The following ZC3HAV1L variants were observed in gnomAD, a reference collection of about 807,000 sequenced individuals.
ZC3HAV1L encodes the protein ZC3HAV1 like.
In ZC3HAV1L, 23 loss-of-function variants were observed where a neutral mutation model predicts 28.2. The ratio of observed to expected loss-of-function variants is 0.82; its 90% CI spans 0.59 to 1.16. The LOEUF (loss-of-function observed/expected upper bound fraction) is 1.16. ZC3HAV1L is among the 50% of genes most tolerant of loss of function. The probability of loss-of-function intolerance (pLI) is 0.00; values close to 1 mark genes in which losing one functional copy is unlikely to be tolerated. For missense variants in ZC3HAV1L, 376 were observed against 387.7 expected, an observed-to-expected ratio of 0.97 and a Z score of 0.25; for synonymous variants, 180 against 163.4, an observed-to-expected ratio of 1.10 and a Z score of -0.78.
downstream of ZC3HAV1L, chr7:139,022,265 T>C (rs1815260235): frequency 5.4e-6 from 1 of 186,118 alleles, no homozygotes; most frequent in Non-Finnish European, 1.2e-5. Flanking sequence ...AAAATATGGT[T>C]AGGCATAGTG....
rs368290294 is a variant in ZC3HAV1L at position 139,026,851 on chromosome 7, A to G, written c.761-18T>C. ...TGAATTATCTACAAAGAGGAAAGGGATAAGTTTTCCTACGATACCCCAAGT... is the reference window on the plus strand; with the variant it reads ...TGAATTATCTACAAAGAGGAAAGGGGTAAGTTTTCCTACGATACCCCAAGT... On this transcript the variant is annotated intron_variant, in intron 3 of 4. Transcript: ENST00000275766. 108 of 1,598,402 alleles carry G rather than the reference A, an allele frequency of 6.8e-5. No homozygotes were observed. Among genetic ancestry groups the G allele is most frequent in the South Asian group, 2.5e-4 (22 of 89,030 alleles).
chr7:139,035,348 C>G (rs777885457), intron 1 of ZC3HAV1L: 2 of 985,460 alleles, frequency 2.0e-6, no homozygotes, highest in South Asian at 4.7e-5. Context: ...TAAGTGAGCT[C>G]CGAAGTCCCA....
chr7:139,030,758 G>A (rs1318087059), intron 2 of ZC3HAV1L, among the ~76,000 whole-genome samples: 3 of 151,888 alleles, frequency 2.0e-5, no homozygotes, highest in African/African-American at 4.8e-5. Flanking sequence ...GGCAGAGGTT[G>A]CAGTGAGCCG....
chr7:139,023,425 C>T (rs1024809417), downstream of ZC3HAV1L, among the ~76,000 whole-genome samples: 3 of 152,154 alleles, frequency 2.0e-5, no homozygotes, highest in Admixed American at 6.5e-5. Context: ...AAGAGGCAGG[C>T]GTCCCTTTTA....
In ZC3HAV1L at chr7:139,035,802, C is replaced by T; in HGVS notation, c.216G>A (p.Val72=). The T allele has an allele frequency of 6.7e-7, 1 of 1,487,868 alleles. No homozygotes were observed. The highest frequency in any genetic ancestry group is 8.9e-7 in the Non-Finnish European group (1 of 1,127,814). 92.2% of individuals were successfully genotyped at this position (1,487,868 alleles called of 1,614,324 possible). A position where few individuals can be genotyped will look rare whatever the true frequency, so the allele number is the denominator to read the frequency against. ...TCCAGGCGGAGGTGCCGCCACCGCC[C>T]ACCGCGCCGGCCGCCGCCTCGGCCT... is the stretch of plus-strand genomic sequence containing the variant. ...DAEAEAAAGA[V]GGGGTSAWRV... Residue 72 remains valine, a synonymous_variant, in exon 1 of 5, where the codon GTG becomes GTA. Transcript: ENST00000275766.
In ZC3HAV1L at chr7:139,028,894, T is replaced by C; in HGVS notation, c.568A>G (p.Lys190Glu). Residue 190 changes from lysine (K) to glutamate (E), a missense_variant, in exon 3 of 5, where the codon AAG (lysine) becomes GAG (glutamate). Physicochemically the swap from Lys to Glu is moderately conservative, Grantham distance 56 (BLOSUM62 1). Coordinates refer to ENST00000275766, the MANE Select transcript of ZC3HAV1L (RefSeq NM_080660.4). ...GYCNLKDKCN[K>E]FHVCKSFVKG... ...ACAAAGGATTTGCACACATGAAACT[T>C]GTTGCATTTATCCTTGAGGTTGCAG... The C allele has an allele frequency of 2.5e-6, 4 of 1,614,218 alleles. No individual in the cohort carries two copies. The highest frequency in any genetic ancestry group is 3.4e-6 in the Non-Finnish European group (4 of 1,180,036).
At chr7:139,035,571 C>T in intron 1 of ZC3HAV1L, 82 bp downstream of exon 1, 3 of 1,341,522 alleles carry the variant, frequency 2.2e-6, no homozygotes, top group East Asian at 3.1e-5. Flanking sequence ...ACGAAGCCCC[C>T]CTTCCCGTCG....
Position 139,035,671 on chromosome 7 carries a change from C to T in ZC3HAV1L, c.347G>A (p.Cys116Tyr). 1 of 1,466,692 alleles carries T rather than the reference C, an allele frequency of 6.8e-7. No individual in the cohort carries two copies. 90.9% of individuals were successfully genotyped at this position (1,466,692 alleles called of 1,614,324 possible). A position where few individuals can be genotyped will look rare whatever the true frequency, so the allele number is the denominator to read the frequency against. The change falls in exon 1 of 5, where the codon TGC (cysteine) becomes TAC (tyrosine). Residue 116 changes from cysteine (C) to tyrosine (Y), a missense_variant. Physicochemically the swap from Cys to Tyr is radical, Grantham distance 194. Coordinates refer to ENST00000275766, the MANE Select transcript of ZC3HAV1L (RefSeq NM_080660.4). Reference sequence around the variant, plus strand: ...TTCTCACCAGCAGTCCCGGTTGGGGCACTTGCCCAGCATGTGCCGGCGGCA... The same window carrying T: ...TTCTCACCAGCAGTCCCGGTTGGGGTACTTGCCCAGCATGTGCCGGCGGCA... The part of the protein sequence containing the change: ...HFCRRHMLGK[C>Y]PNRDCWSTCT...
At chr7:139,024,369 T>C (rs2130622504), downstream of ZC3HAV1L, among the ~76,000 whole-genome samples, 1 of 152,076 alleles carries the variant, frequency 6.6e-6, no homozygotes, top group East Asian at 1.9e-4. Flanking sequence ...AAACAGAACA[T>C]AAACAAGTAA....
Position 139,034,661 on chromosome 7 carries a change from G to A in ZC3HAV1L, c.383C>T (p.Ser128Phe), listed in dbSNP as rs760868422. The A allele has an allele frequency of 6.2e-7, 1 of 1,613,956 alleles. No individual in the cohort carries two copies. The highest frequency in any genetic ancestry group is 8.5e-7 in the Non-Finnish European group (1 of 1,179,868). The part of the protein sequence containing the change: ...NRDCWSTCTL[S>F]HDIHTPVNMQ... Reference sequence around the variant, plus strand: ...GTTGACAGGTGTGTGGATATCATGGGAAAGGGTACAGGTAGACCTAAAAGA... The same window carrying A: ...GTTGACAGGTGTGTGGATATCATGGAAAAGGGTACAGGTAGACCTAAAAGA... The change falls in exon 2 of 5, where the codon TCC (serine) becomes TTC (phenylalanine). Residue 128 changes from serine (S) to phenylalanine (F), a missense_variant. Physicochemically the swap from Ser to Phe is radical, Grantham distance 155. Transcript: ENST00000275766.
rs1350223842 is a variant in ZC3HAV1L at position 139,026,946 on chromosome 7, G to C, written c.761-113C>G. On this transcript the variant is annotated intron_variant, in intron 3 of 4. Transcript: ENST00000275766. ...ACAAGACTCCCAACACATGGATTTG[G>C]AGAGTTCATGTCTTCTGGATTTTAA... is the stretch of plus-strand genomic sequence containing the variant. The C allele has an allele frequency of 2.5e-6, 3 of 1,196,056 alleles. No individual in the cohort carries two copies. The East Asian group carries it at 7.5e-5, about 30-fold the overall frequency. 74.1% of individuals were successfully genotyped at this position (1,196,056 alleles called of 1,614,324 possible). A position where few individuals can be genotyped will look rare whatever the true frequency, so the allele number is the denominator to read the frequency against.
At position 139,035,895 on chromosome 7, in the gene ZC3HAV1L, C is replaced by T. The variant is rs1436527615; in HGVS notation, c.123G>A (p.Leu41=). ...GGAAACGCTCGGGCCCGGCGCGCTG[C>T]AGCACGTCCCGGAGCCTGGCCTCCG... ...ELSEARLRDV[L]QRAGPERFLL... Residue 41 remains leucine, a synonymous_variant, in exon 1 of 5, where the codon CTG becomes CTA. Coordinates refer to ENST00000275766, the MANE Select transcript of ZC3HAV1L (RefSeq NM_080660.4). 6.6e-7 allele frequency: 1 copy of T among 1,513,894 alleles called. No individual in the cohort carries two copies. Among genetic ancestry groups the T allele is most frequent in the East Asian group, 2.6e-5 (1 of 37,800 alleles). The allele number at this position is 1,513,894 out of a possible 1,614,324, so 93.8% of individuals were successfully genotyped here.
downstream of ZC3HAV1L, among the ~76,000 whole-genome samples, chr7:139,024,174 A>G (rs1815301096): frequency 6.6e-6 from 1 of 152,212 alleles, no homozygotes; most frequent in Non-Finnish European, 1.5e-5. Flanking sequence ...ATAATGCGAT[A>G]ACTTTCTAAC....
chr7:139,026,507 T>C lies in ZC3HAV1L; in HGVS notation c.*37A>G, dbSNP rs894983722. On this transcript the variant is annotated 3_prime_UTR_variant, in exon 5 of 5. Transcript: ENST00000275766. Reference sequence around the variant, plus strand: ...CCCCAACCACCCATGCCCAAATGTATTCTTCCAAAAGGACATTTTCTCCTT... The same window carrying C: ...CCCCAACCACCCATGCCCAAATGTACTCTTCCAAAAGGACATTTTCTCCTT... 1 of 1,612,990 alleles carries C rather than the reference T, an allele frequency of 6.2e-7. No individual in the cohort carries two copies. Among genetic ancestry groups the C allele is most frequent in the Admixed American group, 1.7e-5 (1 of 59,996 alleles).
chr7:139,028,886 A>T lies in ZC3HAV1L; in HGVS notation c.576T>A (p.His192Gln). ...CTCCTTTCACAAAGGATTTGCACAC[A>T]TGAAACTTGTTGCATTTATCCTTGA... ...CNLKDKCNKF[H>Q]VCKSFVKGEC... Residue 192 changes from histidine (H) to glutamine (Q), a missense_variant, in exon 3 of 5, where the codon CAT (histidine) becomes CAA (glutamine). Transcript: ENST00000275766. 1 of 1,614,260 alleles carries T rather than the reference A, an allele frequency of 6.2e-7. No individual in the cohort carries two copies. The highest frequency in any genetic ancestry group is 1.1e-5 in the South Asian group (1 of 91,088).
intron 2 of ZC3HAV1L, among the ~76,000 whole-genome samples, chr7:139,032,134 C>T (rs968271114): frequency 6.6e-6 from 1 of 151,660 alleles, no homozygotes; most frequent in African/African-American, 2.4e-5. Context: ...GAAAGATAAA[C>T]TACTTTAATT....
rs1815340797 is a variant in ZC3HAV1L at position 139,025,970 on chromosome 7, A to G, written c.*574T>C. ...CAACATGGCAAAATACCCTCTCTAC[A>G]AAAAAAAAATACAAAAAATTAGCTG... On this transcript the variant is annotated 3_prime_UTR_variant, in exon 5 of 5. Transcript: ENST00000275766. 1 of 147,732 alleles carries G rather than the reference A, an allele frequency of 6.8e-6. No individual in the cohort carries two copies. Among genetic ancestry groups the G allele is most frequent in the Admixed American group, 6.8e-5 (1 of 14,670 alleles). 9.2% of individuals were successfully genotyped at this position (147,732 alleles called of 1,614,324 possible).
chr7:139,029,970 C>T (rs542340075), intron 2 of ZC3HAV1L, among the ~76,000 whole-genome samples: 11 of 152,226 alleles, frequency 7.2e-5, no homozygotes, highest in Non-Finnish European at 1.6e-4. Context: ...CCTGAAACCA[C>T]GCATCAGTCT....
chr7:139,034,694 C>A lies in ZC3HAV1L; in HGVS notation c.366-16G>T, dbSNP rs752468960. On this transcript the variant is annotated splice_polypyrimidine_tract_variant and intron_variant, in intron 1 of 4. Coordinates refer to ENST00000275766, the MANE Select transcript of ZC3HAV1L (RefSeq NM_080660.4). ...ACAGGTAGACCTAAAAGAACAAAGC[C>A]CTCGGTCAGATGCCCAGGTGAAGAA... is the stretch of plus-strand genomic sequence containing the variant. The A allele has an allele frequency of 4.3e-6, 7 of 1,613,126 alleles. No homozygotes were observed. The highest frequency in any genetic ancestry group is 5.9e-6 in the Non-Finnish European group (7 of 1,179,374).
Sources: gnomAD v4.1 joint callset for allele counts (sites outside exome capture counted in the v4.1 genomes callset) on GRCh38, gnomAD v4.1.1 for gene constraint, MANE v1.5 for transcripts, NCBI Gene and HGNC (gene_info 2026-07-23, HGNC 2026-07-21) for gene names.